The following MYH7B variants were observed in gnomAD, a reference collection of about 807,000 sequenced individuals.
The protein encoded by MYH7B is myosin-7B.
MYH7B carries 205 observed loss-of-function variants against 234.5 expected under a neutral mutation model. The observed-to-expected ratio is 0.87, with a 90% CI of 0.78 to 0.98. The LOEUF is 0.98. Among genes scored for constraint, MYH7B ranks in the 50% least tolerant of loss-of-function variants. MYH7B has a pLI of 0.00. For synonymous variants in MYH7B, 1,193 were observed against 1,105.0 expected, an observed-to-expected ratio of 1.08 and a Z score of -1.58; for missense variants, 2,652 against 2,633.4, an observed-to-expected ratio of 1.01 and a Z score of -0.15.
Position 34,989,838 on chromosome 20 carries a change from G to GT in MYH7B, c.1687dup (p.Ser563PhefsTer10). On this transcript the variant is annotated frameshift_variant, in exon 20 of 45. Coordinates refer to ENST00000262873, the Ensembl canonical transcript of MYH7B. LOFTEE classifies it high-confidence loss of function. ...AGCTCTACGACAACCACGCGGGGAA[G>GT]TCACCCAATTTCCAGCAGCCTCGGC... 6.2e-7 allele frequency: 1 copy of GT among 1,614,214 alleles called. No individual in the cohort carries two copies. The highest frequency in any genetic ancestry group is 1.1e-5 in the South Asian group (1 of 91,084).
chr20:34,999,266 G>C (rs1236730436), exon 36 of MYH7B: 4 of 1,600,164 alleles, frequency 2.5e-6, no homozygotes, highest in Non-Finnish European at 3.4e-6. Context: ...GGCGGCAGGA[G>C]GAGGAGATGC....
chr20:34,998,435 T>A lies in MYH7B; in HGVS notation c.3874+14T>A. On this transcript the variant is annotated intron_variant, in intron 33 of 44. Transcript: ENST00000262873. ...AGACGGAAAGCGGTGAGGCTGGGGC[T>A]CAGCTGGCCACACCAGGCAGGGCTT... 1.2e-6 allele frequency: 2 copies of A among 1,612,764 alleles called. No individual in the cohort carries two copies. The highest frequency in any genetic ancestry group is 8.5e-7 in the Non-Finnish European group (1 of 1,179,934).
chr20:34,956,438 C>G, intron 1 of MYH7B, among the ~76,000 whole-genome samples: 1 of 152,100 alleles, frequency 6.6e-6, no homozygotes, highest in East Asian at 1.9e-4. Flanking sequence ...ATTCCTACCC[C>G]CCACCTCATT....
chr20:34,982,108 G>A, intron 9 of MYH7B: 1 of 242,162 alleles, frequency 4.1e-6, no homozygotes, highest in South Asian at 6.3e-5. Context: ...TATGTGCCTG[G>A]CACACAGCAG....
Position 34,996,597 on chromosome 20 carries a change from T to C in MYH7B, c.3121-16T>C, listed in dbSNP as rs747187657. On this transcript the variant is annotated splice_polypyrimidine_tract_variant and intron_variant, in intron 29 of 44. Coordinates refer to ENST00000262873, the Ensembl canonical transcript of MYH7B. Reference sequence around the variant, plus strand: ...GGCTTGGGCCATGGCTGACCCCTGCTGTGCCTGCTCTGCAGCTGGAATGCT... The same window carrying C: ...GGCTTGGGCCATGGCTGACCCCTGCCGTGCCTGCTCTGCAGCTGGAATGCT... 10 of 1,608,042 alleles carry C rather than the reference T, an allele frequency of 6.2e-6. No homozygotes were observed. The highest frequency in any genetic ancestry group is 1.3e-5 in the African/African-American group (1 of 74,934).
At chr20:34,974,709 C>T (rs1299189771) in intron 2 of MYH7B, among the ~76,000 whole-genome samples, 1 of 152,204 alleles carries the variant, frequency 6.6e-6, no homozygotes, top group Non-Finnish European at 1.5e-5. Flanking sequence ...AGAATTTTTC[C>T]CACTTTCTGG....
At chr20:34,979,565 C>T in intron 6 of MYH7B, 69 bp downstream of exon 6, 14 of 1,599,312 alleles carry the variant, frequency 8.8e-6, no homozygotes, top group Middle Eastern at 1.7e-4. Flanking sequence ...GATCTGCCCT[C>T]TGGTTGAAGG....
At chr20:34,977,838 G>T in intron 4 of MYH7B, 96 bp from the exon 5 acceptor site, 1 of 1,541,698 alleles carries the variant, frequency 6.5e-7, no homozygotes, top group East Asian at 2.2e-5. Context: ...ACCCAAGGAG[G>T]CTGCATTGGG....
intron 13 of MYH7B, 105 bp from the exon 14 acceptor site, chr20:34,985,995 C>T: frequency 3.2e-6 from 3 of 938,032 alleles, no homozygotes; most frequent in East Asian, 2.6e-5. Context: ...CAGATGCAGC[C>T]CCCCTGCACA....
intron 37 of MYH7B, 27 bp from the exon 38 acceptor site, chr20:34,999,762 ACC>A (rs752215876): frequency 5.2e-6 from 3 of 576,886 alleles, no homozygotes; most frequent in African/African-American, 5.2e-5. Context: ...CCCCCCCCCC[ACC>A]CTACCCTGCC....
At chr20:34,985,098 T>A in exon 13 of MYH7B, 1 of 1,614,082 alleles carries the variant, frequency 6.2e-7, no homozygotes, top group African/African-American at 1.3e-5. Context: ...TTGGTCCCTC[T>A]GGGAAGCTGG....
rs567548572 is a variant in MYH7B at position 34,975,459 on chromosome 20, T to A, written c.-162T>A. 218 of 706,770 alleles carry A rather than the reference T, an allele frequency of 3.1e-4. 5 individuals are homozygous for A. In the South Asian group the frequency reaches 3.2e-3, roughly 11 times the overall value. 43.8% of individuals were successfully genotyped at this position (706,770 alleles called of 1,614,324 possible). The stretch of plus-strand genomic sequence containing the variant: ...TGAACTCCTGAGCTTAAGTGATGTG[T>A]CCGCCTGGGCCTCCCAAAGTGCTGG... On this transcript the variant is annotated 5_prime_UTR_variant, in exon 3 of 45. It introduces an in-frame stop codon into an upstream open reading frame of the 5' UTR. Coordinates refer to ENST00000262873, the Ensembl canonical transcript of MYH7B.
chr20:34,986,881 C>T lies in MYH7B; in HGVS notation c.905-5C>T, dbSNP rs745357223. 12 of 1,612,840 alleles carry T rather than the reference C, an allele frequency of 7.4e-6. No homozygotes were observed. The East Asian group carries it at 2.5e-4, about 33-fold the overall frequency. The stretch of plus-strand genomic sequence containing the variant: ...GACCCTCCCTTCTCTGCCCTGTGTC[C>T]CCAGACATGCTGCTTCTGTCTATGA... On this transcript the variant is annotated splice_region_variant and splice_polypyrimidine_tract_variant and intron_variant, in intron 14 of 44. Coordinates refer to ENST00000262873, the Ensembl canonical transcript of MYH7B.
At chr20:34,980,153 T>C in intron 7 of MYH7B, 1 of 375,366 alleles carries the variant, frequency 2.7e-6, no homozygotes, top group South Asian at 3.6e-5. Flanking sequence ...ACAGAGGGTG[T>C]GGTGTGGCAA....
At chr20:34,998,306 G>T in exon 33 of MYH7B, 1 of 1,613,968 alleles carries the variant, frequency 6.2e-7, no homozygotes, top group Non-Finnish European at 8.5e-7. Context: ...CCAGTGCAGA[G>T]AAGCTGTGCC....
At chr20:34,999,141 C>A in exon 36 of MYH7B, 1 of 1,613,780 alleles carries the variant, frequency 6.2e-7, no homozygotes, top group Non-Finnish European at 8.5e-7. Context: ...GAAGGCCAAG[C>A]TGCGGCTACA....
Position 34,991,137 on chromosome 20 carries a change from C to T in MYH7B, c.2183+16C>T. The T allele has an allele frequency of 1.3e-6, 2 of 1,563,702 alleles. No homozygotes were observed. Among genetic ancestry groups the T allele is most frequent in the South Asian group, 1.1e-5 (1 of 86,998 alleles). On this transcript the variant is annotated intron_variant, in intron 24 of 44. Coordinates refer to ENST00000262873, the Ensembl canonical transcript of MYH7B. Reference sequence around the variant, plus strand: ...TCCGGCAGCGGTGGGTGACCCCTTCCCCCTGCCTGCTGCTCCAGGTGGAGG... The same window carrying T: ...TCCGGCAGCGGTGGGTGACCCCTTCTCCCTGCCTGCTGCTCCAGGTGGAGG...
At chr20:34,997,277 G>A (rs762169157) in exon 32 of MYH7B, 2 of 1,557,986 alleles carry the variant, frequency 1.3e-6, no homozygotes, top group South Asian at 1.2e-5. Context: ...TGGAAGAGGA[G>A]CTGGAGGCAG....
At chr20:34,990,404 G>A in intron 22 of MYH7B, 94 bp downstream of exon 22, 5 of 1,378,788 alleles carry the variant, frequency 3.6e-6, no homozygotes, top group South Asian at 1.2e-5. Flanking sequence ...TGGGCGGGCG[G>A]CTGTTAAGAC....
Sources: gnomAD v4.1 joint callset for allele counts (sites outside exome capture counted in the v4.1 genomes callset) on GRCh38, gnomAD v4.1.1 for gene constraint, MANE v1.5 for transcripts, NCBI Gene and HGNC (gene_info 2026-07-23, HGNC 2026-07-21) for gene names.